ANGPT2: variants seen among roughly 807,000 people sequenced by gnomAD.
ANGPT2 encodes angiopoietin 2, also known as angiopoietin-2.
Under a neutral mutation model 62.9 loss-of-function variants are expected in ANGPT2, and 28 were observed. That is an observed-to-expected ratio of 0.44 (90% CI 0.33 to 0.61). ANGPT2 has a LOEUF of 0.61. ANGPT2 is among the 20% of genes least tolerant of loss of function. The pLI, the probability that ANGPT2 is intolerant of heterozygous loss-of-function variation, is 0.03. For missense variants in ANGPT2, 727 were observed against 594.9 expected (o/e 1.22, Z -2.31); for synonymous variants, 284 against 207.8 (o/e 1.37, Z -3.15).
In ANGPT2 at chr8:6,499,712, G is replaced by T. The variant is rs530411926; in HGVS notation, c.*3389C>A. On this transcript the variant is annotated 3_prime_UTR_variant, in exon 9 of 9. Coordinates refer to ENST00000629816, the MANE Select transcript of ANGPT2 (RefSeq NM_001118887.2). The stretch of plus-strand genomic sequence containing the variant: ...TTTATGCAACATGAAGATTCTGAAG[G>T]GACTTTGTTGTCTGAGAACACATCT... 108 of 709,872 alleles carry T rather than the reference G, an allele frequency of 1.5e-4. No individual in the cohort carries two copies. In the African/African-American group the frequency reaches 1.8e-3, roughly 12 times the overall value. 44.0% of individuals were successfully genotyped at this position (709,872 alleles called of 1,614,324 possible).
At chr8:6,517,012 A>G (rs1183744264) in intron 5 of ANGPT2, among the ~76,000 whole-genome samples, 1 of 152,348 alleles carries the variant, frequency 6.6e-6, no homozygotes, top group East Asian at 1.9e-4. Flanking sequence ...GTTTTTAGAA[A>G]AAAGAACAGA....
rs1382524848 is a variant in ANGPT2, at chr8:6,527,537, T to C, written c.566+18A>G. ...AGTGTGCAGTCCTGAATTATAAATG[T>C]TTTAGTACTGTTATTACCTGTTCTT... is the stretch of plus-strand genomic sequence containing the variant. On this transcript the variant is annotated intron_variant, in intron 3 of 8. Coordinates refer to ENST00000629816, the MANE Select transcript of ANGPT2 (RefSeq NM_001118887.2). The C allele has an allele frequency of 6.2e-7, 1 of 1,611,230 alleles. No homozygotes were observed. Among genetic ancestry groups the C allele is most frequent in the South Asian group, 1.1e-5 (1 of 90,498 alleles).
At chr8:6,546,031 T>C (rs2129574436) in intron 1 of ANGPT2, among the ~76,000 whole-genome samples, 1 of 152,348 alleles carries the variant, frequency 6.6e-6, no homozygotes, top group Non-Finnish European at 1.5e-5. Context: ...GATTTGAGAA[T>C]CAAACACACC....
chr8:6,515,856 A>C (rs1816162828), intron 5 of ANGPT2, among the ~76,000 whole-genome samples: 1 of 152,224 alleles, frequency 6.6e-6, no homozygotes, highest in South Asian at 2.1e-4. Context: ...TTTACGAGTT[A>C]GAATCCTAAA....
intron 1 of ANGPT2, among the ~76,000 whole-genome samples, chr8:6,549,883 AG>A (rs1300336830): frequency 7.2e-5 from 11 of 152,228 alleles, no homozygotes; most frequent in African/African-American, 2.4e-4. Context: ...ATCTAAAAAA[AG>A]AAAAGAAAAG....
intron 5 of ANGPT2, 58 bp from the exon 6 acceptor site, chr8:6,514,836 G>T: frequency 6.9e-7 from 1 of 1,453,180 alleles, no homozygotes; most frequent in Non-Finnish European, 9.6e-7. Context: ...CCCTTACGTA[G>T]CAGAAGCAGG....
In ANGPT2 at chr8:6,499,714, A is replaced by C; in HGVS notation, c.*3387T>G. On this transcript the variant is annotated 3_prime_UTR_variant, in exon 9 of 9. Transcript: ENST00000629816. The stretch of plus-strand genomic sequence containing the variant: ...TATGCAACATGAAGATTCTGAAGGG[A>C]CTTTGTTGTCTGAGAACACATCTAT... 1 of 724,142 alleles carries C rather than the reference A, an allele frequency of 1.4e-6. No individual in the cohort carries two copies. Among genetic ancestry groups the C allele is most frequent in the East Asian group, 2.5e-5 (1 of 39,268 alleles). The allele number at this position is 724,142 out of a possible 1,614,324, so 44.9% of individuals were successfully genotyped here.
intron 1 of ANGPT2, among the ~76,000 whole-genome samples, chr8:6,541,442 A>T (rs1226496234): frequency 6.6e-6 from 1 of 152,126 alleles, no homozygotes; most frequent in Non-Finnish European, 1.5e-5. Context: ...TCTGAGAAAG[A>T]CAATATTTCT....
intron 1 of ANGPT2, among the ~76,000 whole-genome samples, chr8:6,548,609 G>A (rs1417605249): frequency 6.6e-6 from 1 of 152,190 alleles, no homozygotes; most frequent in Non-Finnish European, 1.5e-5. Flanking sequence ...ACACCTGATG[G>A]ATTTTTGTAA....
intron 1 of ANGPT2, among the ~76,000 whole-genome samples, chr8:6,544,658 T>C (rs1822219812): frequency 6.6e-6 from 1 of 152,212 alleles, no homozygotes; most frequent in Admixed American, 6.5e-5. Flanking sequence ...GCACATATTT[T>C]ATTTCTATAG....
At chr8:6,510,039 A>C (rs189805425) in intron 7 of ANGPT2, among the ~76,000 whole-genome samples, 1 of 152,280 alleles carries the variant, frequency 6.6e-6, no homozygotes, top group Admixed American at 6.5e-5. Flanking sequence ...AAAGTCGAAA[A>C]ATCTTAAGTT....
At chr8:6,527,938 CG>C (rs1293086418) in intron 2 of ANGPT2, among the ~76,000 whole-genome samples, 3 of 147,394 alleles carry the variant, frequency 2.0e-5, no homozygotes, top group African/African-American at 7.4e-5. Flanking sequence ...CTCCATTGCC[CG>C]GGGTGGAGTG....
intron 1 of ANGPT2, among the ~76,000 whole-genome samples, chr8:6,562,099 G>T (rs1825628304): frequency 1.3e-5 from 2 of 152,208 alleles, no homozygotes; most frequent in Admixed American, 1.3e-4. Context: ...CATAAGGTCT[G>T]CTTTATTTAA....
In ANGPT2 at chr8:6,503,030, G is replaced by C; in HGVS notation, c.*71C>G. On this transcript the variant is annotated 3_prime_UTR_variant, in exon 9 of 9. Coordinates refer to ENST00000629816, the MANE Select transcript of ANGPT2 (RefSeq NM_001118887.2). Reference sequence around the variant, plus strand: ...GTGGAAGAGGACACAGTGCGCAGCCGTGACTTTCAGTGCACTGGGCTTAAG... The same window carrying C: ...GTGGAAGAGGACACAGTGCGCAGCCCTGACTTTCAGTGCACTGGGCTTAAG... The C allele has an allele frequency of 1.3e-6, 2 of 1,574,606 alleles. No individual in the cohort carries two copies. The highest frequency in any genetic ancestry group is 1.7e-6 in the Non-Finnish European group (2 of 1,152,906).
chr8:6,504,317 CAAAAAAAAAA>C (rs35379672), intron 8 of ANGPT2, among the ~76,000 whole-genome samples: 14 of 85,914 alleles, frequency 1.6e-4, no homozygotes, highest in Non-Finnish European at 1.1e-4. Flanking sequence ...GACTCCAGCT[CAAAAAAAAAA>C]AAAAAAAAAA....
intron 8 of ANGPT2, among the ~76,000 whole-genome samples, chr8:6,505,081 C>T (rs752446700): frequency 1.4e-5 from 2 of 144,430 alleles, no homozygotes; most frequent in Admixed American, 6.9e-5. Context: ...GTGAATTAAC[C>T]TCGACCCAAG....
chr8:6,545,189 G>A (rs1165521247), intron 1 of ANGPT2, among the ~76,000 whole-genome samples: 2 of 152,110 alleles, frequency 1.3e-5, no homozygotes, highest in Admixed American at 1.3e-4. Context: ...AGGGGTTTGA[G>A]GCTGTGAACT....
At chr8:6,523,697 C>G (rs1362630045) in intron 3 of ANGPT2, among the ~76,000 whole-genome samples, 2 of 152,182 alleles carry the variant, frequency 1.3e-5, no homozygotes, top group Admixed American at 6.5e-5. Flanking sequence ...TCAAGCAGTT[C>G]TCCTGCCTCA....
At position 6,502,550 on chromosome 8, in the gene ANGPT2, ACTAACTGTTTTTCCAAATATTAAACTT is replaced by A. The variant is rs748656591; in HGVS notation, c.*524_*550del. 2.6e-5 allele frequency: 4 copies of A among 152,268 alleles called. No individual in the cohort carries two copies. Among genetic ancestry groups the A allele is most frequent in the Non-Finnish European group, 4.4e-5 (3 of 68,064 alleles). The allele number at this position is 152,268 out of a possible 1,614,324, so 9.4% of individuals were successfully genotyped here. A position where few individuals can be genotyped will look rare whatever the true frequency, so the allele number is the denominator to read the frequency against. On this transcript the variant is annotated 3_prime_UTR_variant, in exon 9 of 9. Coordinates refer to ENST00000629816, the MANE Select transcript of ANGPT2 (RefSeq NM_001118887.2). The stretch of plus-strand genomic sequence containing the variant: ...CACCTAAGAGATGGAGTAAAAATGC[ACTAACTGTTTTTCCAAATATTAAACTT>A]CTAGTAACCCCTTCTCAGAATATCC...
Sources: allele counts gnomAD v4.1 joint callset (sites outside exome capture counted in the v4.1 genomes callset), GRCh38; gene constraint gnomAD v4.1.1; transcripts MANE v1.5; gene names NCBI Gene and HGNC (gene_info 2026-07-23, HGNC 2026-07-21).